The following KCNB2 variants were observed in gnomAD, a reference collection of about 807,000 sequenced individuals.
KCNB2 encodes the protein potassium voltage-gated channel subfamily B member 2.
Under a neutral mutation model 61.5 loss-of-function variants are expected in KCNB2, and 15 were observed. The ratio of observed to expected loss-of-function variants is 0.24; its 90% CI spans 0.16 to 0.38. KCNB2 has a LOEUF of 0.38. KCNB2 is among the 10% of genes least tolerant of loss of function. The pLI is 1.00. For missense variants in KCNB2, 828 were observed against 1,125.2 expected (o/e 0.74, Z 3.78); for synonymous variants, 457 against 446.0 (o/e 1.02, Z -0.31).
At chr8:72,610,411 T>G (rs1409841539) in intron 2 of KCNB2, among the ~76,000 whole-genome samples, 2 of 152,184 alleles carry the variant, frequency 1.3e-5, no homozygotes, top group African/African-American at 4.8e-5. Context: ...TTTCCTCATA[T>G]TTTTTCTTAT....
intron 2 of KCNB2, among the ~76,000 whole-genome samples, chr8:72,616,833 G>A (rs1259332385): frequency 5.3e-5 from 8 of 152,204 alleles, no homozygotes; most frequent in Non-Finnish European, 8.8e-5. Flanking sequence ...AAGAGGAGGA[G>A]TTAATATAAT....
At chr8:72,914,202 G>A (rs141310056) in intron 2 of KCNB2, among the ~76,000 whole-genome samples, 180 of 152,092 alleles carry the variant, frequency 1.2e-3, no homozygotes, top group African/African-American at 4.2e-3. Flanking sequence ...CATTGATGTG[G>A]GCTCTACCTT....
At chr8:72,622,007 A>C (rs1805720410) in intron 2 of KCNB2, among the ~76,000 whole-genome samples, 1 of 152,174 alleles carries the variant, frequency 6.6e-6, no homozygotes, top group Admixed American at 6.5e-5. Context: ...TGCCCTTTAA[A>C]ATATGTTTGT....
chr8:72,937,003 A>T lies in KCNB2; in HGVS notation c.1648A>T (p.Thr550Ser). ...GATGCTATACAATGAAATCACCAAG[A>T]CACAGCCTCATTCTCACCCAAACCC... ...LEMLYNEITKTQPHSHPNPDC... is the reference protein window; with the variant it reads ...LEMLYNEITKSQPHSHPNPDC... Residue 550 changes from threonine (T) to serine (S), a missense_variant, in exon 3 of 3, where the codon ACA (threonine) becomes TCA (serine). By Grantham distance (58) the Thr-to-Ser change is moderately conservative. Around this residue, in one of 4 missense-constraint regions of KCNB2, gnomAD observed 559 missense variants for 588.4 expected, o/e 0.95. Coordinates refer to ENST00000523207, the MANE Select transcript of KCNB2 (RefSeq NM_004770.3). 6 of 1,614,158 alleles carry T rather than the reference A, an allele frequency of 3.7e-6. No individual in the cohort carries two copies. The highest frequency in any genetic ancestry group is 5.1e-6 in the Non-Finnish European group (6 of 1,180,012).
At chr8:72,576,723 C>G (rs1806799704) in intron 2 of KCNB2, among the ~76,000 whole-genome samples, 1 of 152,196 alleles carries the variant, frequency 6.6e-6, no homozygotes, top group Non-Finnish European at 1.5e-5. Flanking sequence ...TCTTAACCTC[C>G]TTTCCCAGTG....
chr8:72,821,649 A>AC (rs1809512001), intron 2 of KCNB2, among the ~76,000 whole-genome samples: 1 of 144,608 alleles, frequency 6.9e-6, no homozygotes, highest in Non-Finnish European at 1.5e-5. Context: ...AACAAAAAAA[A>AC]AAAAAAAAAA....
intron 2 of KCNB2, among the ~76,000 whole-genome samples, chr8:72,839,072 A>G (rs1237933418): frequency 1.3e-5 from 2 of 152,192 alleles, no homozygotes; most frequent in East Asian, 3.8e-4. Context: ...AAATCACCCC[A>G]TTAGAATAAG....
intron 2 of KCNB2, among the ~76,000 whole-genome samples, chr8:72,788,925 C>A (rs1316787636): frequency 1.3e-5 from 2 of 152,022 alleles, no homozygotes; most frequent in Non-Finnish European, 2.9e-5. Context: ...GGAGCAAAAA[C>A]AAGCTTATTC....
chr8:72,785,152 G>T (rs1349328180), intron 2 of KCNB2, among the ~76,000 whole-genome samples: 1 of 151,858 alleles, frequency 6.6e-6, no homozygotes, highest in African/African-American at 2.4e-5. Flanking sequence ...TGGTTGCTAG[G>T]GATAACCTAA....
At chr8:72,929,124 G>A (rs1356042780) in intron 2 of KCNB2, among the ~76,000 whole-genome samples, 1 of 152,162 alleles carries the variant, frequency 6.6e-6, no homozygotes, top group Non-Finnish European at 1.5e-5. Flanking sequence ...TTGCAGATGA[G>A]AGAACTGAAG....
chr8:72,621,317 A>G (rs886230541), intron 2 of KCNB2, among the ~76,000 whole-genome samples: 7 of 152,202 alleles, frequency 4.6e-5, no homozygotes, highest in Admixed American at 1.3e-4. Context: ...CAAGATCCGC[A>G]GAAGGATCAA....
intron 2 of KCNB2, among the ~76,000 whole-genome samples, chr8:72,789,881 G>A (rs1199438797): frequency 6.6e-6 from 1 of 151,986 alleles, no homozygotes; most frequent in African/African-American, 2.4e-5. Flanking sequence ...GAGTAGAACT[G>A]GGGAGGAGAA....
Position 72,592,671 on chromosome 8 carries a change from G to A in KCNB2, c.579+24358G>A, listed in dbSNP as rs971995203. On this transcript the variant is annotated intron_variant, in intron 2 of 2. Transcript: ENST00000523207. ...GCAATTTACACATTTCCTTTTTCTT[G>A]TCTTGGTGAATATGAATGTGTACGT... is the stretch of plus-strand genomic sequence containing the variant. 3.9e-5 allele frequency among the ~76,000 whole-genome samples: 6 copies of A among 152,186 alleles called. No homozygotes were observed. In the East Asian group the frequency reaches 1.2e-3, roughly 29 times the overall value.
intron 2 of KCNB2, among the ~76,000 whole-genome samples, chr8:72,606,651 C>T (rs991141195): frequency 6.6e-6 from 1 of 152,132 alleles, no homozygotes; most frequent in African/African-American, 2.4e-5. Flanking sequence ...TTTGGGCCAG[C>T]ATGTGATTTA....
Position 72,745,159 on chromosome 8 carries a change from A to G in KCNB2, c.579+176846A>G, listed in dbSNP as rs145314570. Among the ~76,000 whole-genome samples, 230 of 152,336 alleles carry G rather than the reference A, an allele frequency of 1.5e-3. 7 individuals carry two copies. The East Asian group carries it at 0.04, about 26-fold the overall frequency. On this transcript the variant is annotated intron_variant, in intron 2 of 2. Transcript: ENST00000523207. ...TGCCAACTACCCACCCCACCTTGGG[A>G]AAGAAACCTAACAAGTAGAAAAGCT...
At chr8:72,873,067 C>T (rs1805644253) in intron 2 of KCNB2, among the ~76,000 whole-genome samples, 1 of 152,218 alleles carries the variant, frequency 6.6e-6, no homozygotes, top group Non-Finnish European at 1.5e-5. Context: ...ATGCTTAGCA[C>T]AGTACAAAGT....
At chr8:72,614,217 G>A (rs1019640131) in intron 2 of KCNB2, among the ~76,000 whole-genome samples, 2 of 152,154 alleles carry the variant, frequency 1.3e-5, no homozygotes, top group African/African-American at 2.4e-5. Flanking sequence ...ATTAGATATT[G>A]ATTGGATGCC....
At chr8:72,704,971 A>AT (rs1488384608) in intron 2 of KCNB2, among the ~76,000 whole-genome samples, 12 of 150,142 alleles carry the variant, frequency 8.0e-5, no homozygotes, top group African/African-American at 3.0e-4. Context: ...TTGTATTGTT[A>AT]TTTTTCCTTG....
intron 2 of KCNB2, among the ~76,000 whole-genome samples, chr8:72,765,850 C>T (rs555903804): frequency 2.6e-5 from 4 of 152,302 alleles, no homozygotes; most frequent in Non-Finnish European, 4.4e-5. Flanking sequence ...AAATTTTTAA[C>T]GCATTACAAA....
Sources: allele counts gnomAD v4.1 joint callset (sites outside exome capture counted in the v4.1 genomes callset), GRCh38; gene constraint gnomAD v4.1.1; regional missense constraint gnomAD v4.1.1; transcripts MANE v1.5; gene names NCBI Gene and HGNC (gene_info 2026-07-23, HGNC 2026-07-21).